Variants in XYLT1 observed in about 807,000 individuals in gnomAD.
The protein encoded by XYLT1 is xylosyltransferase 1.
XYLT1 carries 36 observed loss-of-function variants against 91.3 expected under a neutral mutation model. The observed-to-expected ratio is 0.39, with a 90% CI of 0.30 to 0.52. The LOEUF (loss-of-function observed/expected upper bound fraction) is 0.52, where lower values mean the gene tolerates loss of function less well. Ranked by LOEUF, XYLT1 falls within the 20% of genes least tolerant of loss-of-function variation. XYLT1 has a pLI of 0.68. For synonymous variants in XYLT1, 588 were observed against 532.0 expected, an observed-to-expected ratio of 1.11 and a Z score of -1.45; for missense variants, 1,242 against 1,284.5, an observed-to-expected ratio of 0.97 and a Z score of 0.51.
rs1966760969 is a variant in XYLT1 at position 17,105,442 on chromosome 16, G to GT, written c.*3252_*3253insA. 6.6e-6 allele frequency: 1 copy of GT among 152,186 alleles called. No individual in the cohort carries two copies. Among genetic ancestry groups the GT allele is most frequent in the African/African-American group, 2.4e-5 (1 of 41,438 alleles). The allele number at this position is 152,186 out of a possible 1,614,324, so 9.4% of individuals were successfully genotyped here. A position where few individuals can be genotyped will look rare whatever the true frequency, so the allele number is the denominator to read the frequency against. ...GAAAGCCTTTTTTTTCCCCTGCAAA[G>GT]GGAGAAAGCAGCGCGCTTCTCACAA... On this transcript the variant is annotated 3_prime_UTR_variant, in exon 12 of 12. Transcript: ENST00000261381.
At chr16:17,175,185 T>C (rs893433554) in intron 5 of XYLT1, among the ~76,000 whole-genome samples, 2 of 152,212 alleles carry the variant, frequency 1.3e-5, no homozygotes, top group African/African-American at 4.8e-5. Context: ...ATAATAACCA[T>C]GTTTGGTGTA....
At chr16:17,240,034 A>G (rs1460004531) in intron 3 of XYLT1, among the ~76,000 whole-genome samples, 1 of 152,244 alleles carries the variant, frequency 6.6e-6, no homozygotes, top group African/African-American at 2.4e-5. Context: ...TTTAATTTGG[A>G]AAAGGGATGC....
chr16:17,245,643 A>T (rs983881956), intron 3 of XYLT1, among the ~76,000 whole-genome samples: 4 of 152,188 alleles, frequency 2.6e-5, no homozygotes, highest in African/African-American at 9.7e-5. Context: ...TTACTTTATC[A>T]TTGTATAAAT....
chr16:17,391,686 T>C lies in XYLT1; in HGVS notation c.364-33636A>G, dbSNP rs1443064072. Among the ~76,000 whole-genome samples the C allele has an allele frequency of 2.0e-5, 3 of 152,146 alleles. No individual in the cohort carries two copies. The East Asian group carries it at 5.8e-4, about 29-fold the overall frequency. On this transcript the variant is annotated intron_variant, in intron 1 of 11. Transcript: ENST00000261381. The stretch of plus-strand genomic sequence containing the variant: ...CTTCTTCCAGCAGCCATCAGAGGCA[T>C]TGATAGGGCTTGGCTGTGTCCCCAC...
intron 11 of XYLT1, among the ~76,000 whole-genome samples, chr16:17,109,898 T>C (rs1256670271): frequency 6.6e-6 from 1 of 152,040 alleles, no homozygotes; most frequent in Non-Finnish European, 1.5e-5. Context: ...AGCCTAAGGG[T>C]GCATGAACTG....
At chr16:17,167,727 T>C (rs547218269) in intron 5 of XYLT1, among the ~76,000 whole-genome samples, 153 of 151,880 alleles carry the variant, frequency 1.0e-3, no homozygotes, top group Non-Finnish European at 1.8e-3. Context: ...ATCTCGTGAA[T>C]GGATTCTAAC....
chr16:17,465,143 C>CAAAAAAA (rs35623153), intron 1 of XYLT1, among the ~76,000 whole-genome samples: 2 of 35,872 alleles, frequency 5.6e-5, no homozygotes, highest in African/African-American at 1.3e-4. Flanking sequence ...GATGCTGTCT[C>CAAAAAAA]AAAAAAAAAA....
At chr16:17,253,956 G>T (rs2033590289) in intron 3 of XYLT1, among the ~76,000 whole-genome samples, 1 of 152,140 alleles carries the variant, frequency 6.6e-6, no homozygotes, top group African/African-American at 2.4e-5. Flanking sequence ...TATGGAAAGG[G>T]ATACAGGCTC....
rs955062448 is a variant in XYLT1 at position 17,258,837 on chromosome 16, C to G, written c.913+151G>C. 8.9e-6 allele frequency: 9 copies of G among 1,015,970 alleles called. No homozygotes were observed. In the African/African-American group the frequency reaches 1.5e-4, roughly 17 times the overall value. The allele number at this position is 1,015,970 out of a possible 1,614,324, so 62.9% of individuals were successfully genotyped here. A position where few individuals can be genotyped will look rare whatever the true frequency, so the allele number is the denominator to read the frequency against. On this transcript the variant is annotated intron_variant, in intron 3 of 11. Transcript: ENST00000261381. ...ACAAGACTTCAACACTCAGGGAGTA[C>G]TAGAACACATCAGATCTCGTGTGCT...
chr16:17,261,333 C>G (rs1372266115), intron 2 of XYLT1, among the ~76,000 whole-genome samples: 1 of 151,542 alleles, frequency 6.6e-6, no homozygotes, highest in Non-Finnish European at 1.5e-5. Context: ...GTTGGAGGCT[C>G]TGACACTAAG....
At chr16:17,356,315 A>G (rs2035294485) in intron 2 of XYLT1, among the ~76,000 whole-genome samples, 1 of 152,194 alleles carries the variant, frequency 6.6e-6, no homozygotes, top group Non-Finnish European at 1.5e-5. Flanking sequence ...GGTCAAGGTG[A>G]TAAGGACAGA....
At chr16:17,124,043 C>G (rs1463638664) in intron 10 of XYLT1, among the ~76,000 whole-genome samples, 1 of 152,146 alleles carries the variant, frequency 6.6e-6, no homozygotes, top group Non-Finnish European at 1.5e-5. Context: ...CCAGGCAAGT[C>G]TCTTGAAGAC....
chr16:17,301,262 T>C (rs2034390881), intron 2 of XYLT1, among the ~76,000 whole-genome samples: 1 of 151,938 alleles, frequency 6.6e-6, no homozygotes, highest in Non-Finnish European at 1.5e-5. Flanking sequence ...AATATAAAAT[T>C]AGCCAGGCAT....
rs559783231 is a variant in XYLT1 at position 17,277,351 on chromosome 16, C to T, written c.403-17853G>A. On this transcript the variant is annotated intron_variant, in intron 2 of 11. Transcript: ENST00000261381. ...GTACCCAATGGTTAGTTTTCTAACC[C>T]TTGTCCCCCTCTAGAAGTTCTCGGT... 3.8e-4 allele frequency among the ~76,000 whole-genome samples: 57 copies of T among 151,974 alleles called. 1 individual carries two copies. The highest frequency in any genetic ancestry group is 1.2e-3 in the African/African-American group (50 of 41,428).
In XYLT1 at chr16:17,460,268, C is replaced by A. The variant is rs1276828327; in HGVS notation, c.363+10166G>T. Reference sequence around the variant, plus strand: ...GTCACGGGAAACACAGAGTGAGGGGCAGATGACTCAAAGGAGGCTGTCACT... The same window carrying A: ...GTCACGGGAAACACAGAGTGAGGGGAAGATGACTCAAAGGAGGCTGTCACT... On this transcript the variant is annotated intron_variant, in intron 1 of 11. Coordinates refer to ENST00000261381, the MANE Select transcript of XYLT1 (RefSeq NM_022166.4). Among the ~76,000 whole-genome samples the A allele has an allele frequency of 3.3e-5, 5 of 152,190 alleles. No individual in the cohort carries two copies. The East Asian group carries it at 9.6e-4, about 29-fold the overall frequency.
chr16:17,464,560 T>C lies in XYLT1; in HGVS notation c.363+5874A>G, dbSNP rs562062797. Among the ~76,000 whole-genome samples, 17 of 149,900 alleles carry C rather than the reference T, an allele frequency of 1.1e-4. 1 individual carries two copies. The South Asian group carries it at 3.4e-3, about 30-fold the overall frequency. On this transcript the variant is annotated intron_variant, in intron 1 of 11. Transcript: ENST00000261381. ...TCTCTGACAAAAAAGTAAAGATAAA[T>C]GTTGGCGGTAATGAATATCCCAATT...
chr16:17,138,424 G>A lies in XYLT1; in HGVS notation c.1695C>T (p.Tyr565=). The change falls in exon 8 of 12, where the codon TAC becomes TAT. Residue 565 remains tyrosine (Y), a synonymous_variant. Coordinates refer to ENST00000261381, the MANE Select transcript of XYLT1 (RefSeq NM_022166.4). ...AGCCGCACCAGTCCACGATGTGCTT[G>A]TACTGGCACTTGCAGCCCAGCTTGC... ...WNRKLGCKCQ[Y]KHIVDWCGCS... 1.2e-6 allele frequency: 2 copies of A among 1,614,216 alleles called. No homozygotes were observed. The highest frequency in any genetic ancestry group is 1.7e-6 in the Non-Finnish European group (2 of 1,180,038).
At chr16:17,407,492 G>A (rs940741361) in intron 1 of XYLT1, among the ~76,000 whole-genome samples, 1 of 152,130 alleles carries the variant, frequency 6.6e-6, no homozygotes, top group Non-Finnish European at 1.5e-5. Context: ...ATGGGGTCTT[G>A]CTATGTTGCC....
chr16:17,149,032 A>G (rs2031213087), intron 6 of XYLT1, among the ~76,000 whole-genome samples: 1 of 152,244 alleles, frequency 6.6e-6, no homozygotes, highest in Admixed American at 6.5e-5. Context: ...AGTCACAGCT[A>G]AATATGATCC....
Sources: allele counts gnomAD v4.1 joint callset (sites outside exome capture counted in the v4.1 genomes callset), GRCh38; gene constraint gnomAD v4.1.1; transcripts MANE v1.5; gene names NCBI Gene and HGNC (gene_info 2026-07-23, HGNC 2026-07-21).